The following KIAA1671 variants were observed in gnomAD, a reference collection of about 807,000 sequenced individuals.
KIAA1671 encodes KIAA1671, also known as uncharacterized protein KIAA1671.
In KIAA1671, 52 loss-of-function variants were observed where a neutral mutation model predicts 131.2. The observed-to-expected ratio is 0.40, with a 90% CI of 0.32 to 0.50. The LOEUF is 0.50. KIAA1671 is among the 20% of genes least tolerant of loss of function. The probability of loss-of-function intolerance (pLI) is 0.73; values close to 1 mark genes in which losing one functional copy is unlikely to be tolerated. For missense variants in KIAA1671, 2,360 were observed against 2,364.2 expected (o/e 1.00, Z 0.04); for synonymous variants, 1,003 against 961.6 (o/e 1.04, Z -0.80).
chr22:24,987,798 A>G (rs996644416), intron 1 of KIAA1671, among the ~76,000 whole-genome samples: 7 of 152,192 alleles, frequency 4.6e-5, no homozygotes, highest in Non-Finnish European at 1.0e-4. Flanking sequence ...GATTGGGCAT[A>G]TTATGTCTGC....
chr22:25,123,902 T>G (rs1238291455), intron 6 of KIAA1671, among the ~76,000 whole-genome samples: 1 of 152,120 alleles, frequency 6.6e-6, no homozygotes, highest in Non-Finnish European at 1.5e-5. Flanking sequence ...TTCTTCTCAC[T>G]TACGCTTGTG....
chr22:25,093,274 C>T (rs1168227217), intron 6 of KIAA1671, among the ~76,000 whole-genome samples: 4 of 152,264 alleles, frequency 2.6e-5, no homozygotes, highest in Admixed American at 1.3e-4. Flanking sequence ...GGCAGCCTAG[C>T]TATGCTTCAC....
At chr22:25,149,855 C>G (rs1932976222) in intron 6 of KIAA1671, among the ~76,000 whole-genome samples, 1 of 152,192 alleles carries the variant, frequency 6.6e-6, no homozygotes, top group Non-Finnish European at 1.5e-5. Flanking sequence ...TTTCCCTTCC[C>G]TGGCTAATTC....
chr22:25,053,640 G>T (rs1368436706), intron 6 of KIAA1671: 1 of 152,112 alleles, frequency 6.6e-6, no homozygotes. Context: ...GATTTTCTCC[G>T]TCAGCCTCCT....
chr22:25,093,737 A>ACACACACACTCTCTCT (rs1568950992), intron 6 of KIAA1671, among the ~76,000 whole-genome samples: 2 of 30,136 alleles, frequency 6.6e-5, no homozygotes, highest in Non-Finnish European at 1.3e-4. Context: ...ACACACACAC[A>ACACACACACTCTCTCT]CTCTCTCTCT....
intron 6 of KIAA1671, among the ~76,000 whole-genome samples, chr22:25,124,716 A>G (rs1206983153): frequency 6.6e-6 from 1 of 152,206 alleles, no homozygotes; most frequent in Non-Finnish European, 1.5e-5. Flanking sequence ...AGAGTATGCT[A>G]TGCTGCAGTA....
Position 24,964,610 on chromosome 22 carries a change from A to G in KIAA1671, c.-208+11838A>G, listed in dbSNP as rs183120479. Among the ~76,000 whole-genome samples the G allele has an allele frequency of 3.3e-3, 504 of 152,110 alleles. 4 individuals carry two copies. The highest frequency in any genetic ancestry group is 0.012 in the African/African-American group (488 of 41,478). ...CTAATTAAAAAATTTTTTTGTAGAGACAGGATCTTGGTATGTTGCCCTGGC... is the reference window on the plus strand; with the variant it reads ...CTAATTAAAAAATTTTTTTGTAGAGGCAGGATCTTGGTATGTTGCCCTGGC... On this transcript the variant is annotated intron_variant, in intron 1 of 12. Coordinates refer to ENST00000358431, the MANE Select transcript of KIAA1671 (RefSeq NM_001145206.2).
intron 1 of KIAA1671, chr22:25,012,891 G>C (rs1213496701): frequency 6.6e-6 from 1 of 152,230 alleles, no homozygotes; most frequent in Non-Finnish European, 1.5e-5. Flanking sequence ...TGCTGTGCCT[G>C]GATACCAGAG....
chr22:24,953,465 C>T (rs141613958), intron 1 of KIAA1671, among the ~76,000 whole-genome samples: 15 of 152,146 alleles, frequency 9.9e-5, no homozygotes, highest in Non-Finnish European at 1.8e-4. Context: ...GCGGAGGCTC[C>T]GGACACGTCC....
chr22:25,002,640 T>C (rs1410043371), intron 1 of KIAA1671, among the ~76,000 whole-genome samples: 1 of 152,152 alleles, frequency 6.6e-6, no homozygotes, highest in African/African-American at 2.4e-5. Context: ...CTTAGACCAC[T>C]TTCTGCATCT....
rs137900898 is a variant in KIAA1671 at position 25,099,589 on chromosome 22, C to T, written c.4530+50225C>T. 2.7e-4 allele frequency among the ~76,000 whole-genome samples: 37 copies of T among 138,404 alleles called. 1 individual carries two copies. The highest frequency in any genetic ancestry group is 9.2e-4 in the African/African-American group (34 of 36,782). 90.8% of individuals were successfully genotyped at this position (138,404 alleles called of 152,430 possible). On this transcript the variant is annotated intron_variant, in intron 6 of 12. Coordinates refer to ENST00000358431, the MANE Select transcript of KIAA1671 (RefSeq NM_001145206.2). ...TTTTTTTTTTAGATAGAGTCTCGCT[C>T]AGTCACCTAGGTTGGAGTGCAGTGG... is the stretch of plus-strand genomic sequence containing the variant.
intron 6 of KIAA1671, among the ~76,000 whole-genome samples, chr22:25,068,593 C>T (rs1458626906): frequency 1.1e-4 from 16 of 152,158 alleles, no homozygotes; most frequent in Admixed American, 5.9e-4. Flanking sequence ...CCCGCCTCCG[C>T]GGCCGGCTAA....
At chr22:24,962,583 G>A (rs1602028544) in intron 1 of KIAA1671, among the ~76,000 whole-genome samples, 1 of 152,196 alleles carries the variant, frequency 6.6e-6, no homozygotes, top group East Asian at 1.9e-4. Flanking sequence ...TGTAAGCTGG[G>A]AGTAATAAGA....
chr22:25,132,299 A>G (rs1932477831), intron 6 of KIAA1671, among the ~76,000 whole-genome samples: 1 of 152,176 alleles, frequency 6.6e-6, no homozygotes. Flanking sequence ...GACATCTGAC[A>G]TAATTGGTCT....
chr22:25,030,117 C>T (rs1318816262), intron 3 of KIAA1671, among the ~76,000 whole-genome samples: 5 of 152,196 alleles, frequency 3.3e-5, no homozygotes, highest in Non-Finnish European at 7.3e-5. Flanking sequence ...TAATGATACT[C>T]TAAGTCAGTT....
At chr22:25,004,117 ATTT>A (rs112970400) in intron 1 of KIAA1671, among the ~76,000 whole-genome samples, 6 of 141,126 alleles carry the variant, frequency 4.3e-5, no homozygotes, top group Non-Finnish European at 6.2e-5. Flanking sequence ...GTGCCCGGCC[ATTT>A]TTTTTTTTTT....
chr22:25,045,522 A>T (rs1010970295), intron 5 of KIAA1671, among the ~76,000 whole-genome samples: 8 of 152,250 alleles, frequency 5.3e-5, no homozygotes, highest in Non-Finnish European at 1.0e-4. Flanking sequence ...GTAAATGCAT[A>T]GACTTAGATA....
At chr22:25,107,396 A>G (rs1288037716) in intron 6 of KIAA1671, among the ~76,000 whole-genome samples, 2 of 151,546 alleles carry the variant, frequency 1.3e-5, no homozygotes, top group African/African-American at 4.8e-5. Context: ...CAGCCTGGGC[A>G]ACAGAGTGAG....
At chr22:25,113,269 C>T (rs1931471734) in intron 6 of KIAA1671, among the ~76,000 whole-genome samples, 1 of 152,180 alleles carries the variant, frequency 6.6e-6, no homozygotes, top group African/African-American at 2.4e-5. Flanking sequence ...CGGCTCTTTG[C>T]AGTCCAGCTC....
Sources: gnomAD v4.1 joint callset for allele counts (sites outside exome capture counted in the v4.1 genomes callset) on GRCh38, gnomAD v4.1.1 for gene constraint, MANE v1.5 for transcripts, NCBI Gene and HGNC (gene_info 2026-07-23, HGNC 2026-07-21) for gene names.